The following DNAH8 variants were observed in gnomAD, a reference collection of about 807,000 sequenced individuals.
The protein encoded by DNAH8 is dynein axonemal heavy chain 8.
A neutral mutation model predicts 562.1 loss-of-function variants in DNAH8; 382 were observed. That is an observed-to-expected ratio of 0.68 (90% CI 0.63 to 0.74). The LOEUF is 0.74. DNAH8 is among the 30% of genes least tolerant of loss of function. The pLI, the probability that DNAH8 is intolerant of heterozygous loss-of-function variation, is 0.00. For synonymous variants in DNAH8, 1,881 were observed against 1,919.4 expected (o/e 0.98, Z 0.52); for missense variants, 5,203 against 5,620.4 (o/e 0.93, Z 2.37).
At chr6:38,923,943 A>G in intron 72 of DNAH8, 48 bp from the exon 73 acceptor site, 1 of 1,601,006 alleles carries the variant, frequency 6.2e-7, no homozygotes, top group South Asian at 1.1e-5. Flanking sequence ...AAACAACTTA[A>G]TGTCAGGTGA....
chr6:38,766,450 T>C (rs1468074890), intron 11 of DNAH8, among the ~76,000 whole-genome samples: 1 of 152,152 alleles, frequency 6.6e-6, no homozygotes, highest in Admixed American at 6.5e-5. Context: ...ATTCTGGAGA[T>C]GTAATGTACT....
At chr6:39,019,257 C>G (rs940988742) in intron 91 of DNAH8, among the ~76,000 whole-genome samples, 1 of 152,080 alleles carries the variant, frequency 6.6e-6, no homozygotes, top group Non-Finnish European at 1.5e-5. Flanking sequence ...ACCTCGCACA[C>G]TGTAACAAGA....
At chr6:38,877,978 A>T (rs1211179304) in intron 53 of DNAH8, among the ~76,000 whole-genome samples, 1 of 152,198 alleles carries the variant, frequency 6.6e-6, no homozygotes, top group African/African-American at 2.4e-5. Flanking sequence ...GGAAGATCAA[A>T]TAGAATTGGC....
intron 16 of DNAH8, 34 bp from the exon 17 acceptor site, chr6:38,782,970 C>G: frequency 6.3e-7 from 1 of 1,582,936 alleles, no homozygotes; most frequent in Non-Finnish European, 8.6e-7. Flanking sequence ...ATTCAGCAGT[C>G]TTTTAAAGTA....
In DNAH8 at chr6:38,990,174, T is replaced by A. The variant is rs1764683116; in HGVS notation, c.13214+2T>A. On this transcript the variant is annotated splice_donor_variant, in intron 88 of 92. Coordinates refer to ENST00000327475, the MANE Select transcript of DNAH8 (RefSeq NM_001206927.2). LOFTEE classifies it high-confidence loss of function. ...GCTTCACCCTAATGCTGATATCACG[T>A]AAGTCCCTGGCATTTTTTAATTTGA... The A allele has an allele frequency of 6.3e-7, 1 of 1,591,532 alleles. No individual in the cohort carries two copies. Among genetic ancestry groups the A allele is most frequent in the Admixed American group, 1.8e-5 (1 of 55,378 alleles).
chr6:38,885,487 A>C (rs1778850383), intron 56 of DNAH8, among the ~76,000 whole-genome samples: 1 of 152,108 alleles, frequency 6.6e-6, no homozygotes, highest in South Asian at 2.1e-4. Context: ...AAATGAAAAC[A>C]AGAGTTAGAT....
At chr6:38,795,785 T>C (rs558943149) in intron 21 of DNAH8, among the ~76,000 whole-genome samples, 1 of 152,204 alleles carries the variant, frequency 6.6e-6, no homozygotes, top group South Asian at 2.1e-4. Context: ...TGGATCACAC[T>C]CCTGACTGCA....
At chr6:38,768,956 C>A (rs566478643) in intron 11 of DNAH8, among the ~76,000 whole-genome samples, 2 of 152,248 alleles carry the variant, frequency 1.3e-5, no homozygotes, top group Admixed American at 1.3e-4. Context: ...TTGGCAGGAA[C>A]CATAACTCTT....
At position 38,815,434 on chromosome 6, in the gene DNAH8, G is replaced by A. The variant is rs375327131; in HGVS notation, c.3334-34G>A. ...AATTGAGGGATGGACTGTATGTGCC[G>A]GCAGTATTACACATTTGTTTCTTCT... On this transcript the variant is annotated intron_variant, in intron 25 of 92. Coordinates refer to ENST00000327475, the MANE Select transcript of DNAH8 (RefSeq NM_001206927.2). 12 of 1,547,190 alleles carry A rather than the reference G, an allele frequency of 7.8e-6. 1 individual carries two copies. Among genetic ancestry groups the A allele is most frequent in the Middle Eastern group, 1.8e-4 (1 of 5,676 alleles).
At chr6:38,772,799 G>T (rs1767695179) in intron 12 of DNAH8, among the ~76,000 whole-genome samples, 1 of 151,694 alleles carries the variant, frequency 6.6e-6, no homozygotes, top group African/African-American at 2.4e-5. Context: ...ATGCACAATA[G>T]ATTTTTTTAA....
intron 26 of DNAH8, among the ~76,000 whole-genome samples, chr6:38,819,293 T>C (rs1221636337): frequency 6.6e-6 from 1 of 152,160 alleles, no homozygotes; most frequent in Non-Finnish European, 1.5e-5. Context: ...TTCAGGATAA[T>C]GGTTGCCTCT....
At chr6:38,883,078 A>C in intron 54 of DNAH8, 26 bp downstream of exon 54, 2 of 1,552,022 alleles carry the variant, frequency 1.3e-6, no homozygotes, top group South Asian at 2.6e-5. Flanking sequence ...AGTTCCTTAA[A>C]TGATCACAAA....
intron 88 of DNAH8, among the ~76,000 whole-genome samples, chr6:39,005,131 G>A (rs1489207468): frequency 6.6e-6 from 1 of 152,122 alleles, no homozygotes; most frequent in African/African-American, 2.4e-5. Flanking sequence ...ACTGCATCAG[G>A]CCGGGAGCAG....
chr6:38,731,297 T>G (rs1298851472), intron 4 of DNAH8, among the ~76,000 whole-genome samples: 3 of 152,244 alleles, frequency 2.0e-5, no homozygotes, highest in Non-Finnish European at 2.9e-5. Flanking sequence ...AACTCCTTAA[T>G]GAATATTTCT....
At chr6:38,753,159 C>T (rs1765610500) in intron 9 of DNAH8, among the ~76,000 whole-genome samples, 1 of 151,900 alleles carries the variant, frequency 6.6e-6, no homozygotes, top group African/African-American at 2.4e-5. Flanking sequence ...AGTAGCTGGA[C>T]TTGTGTTGTG....
chr6:38,723,191 G>C lies in DNAH8; in HGVS notation c.382G>C (p.Glu128Gln), dbSNP rs763048415. The C allele has an allele frequency of 6.2e-7, 1 of 1,607,562 alleles. No homozygotes were observed. Among genetic ancestry groups the C allele is most frequent in the Non-Finnish European group, 8.5e-7 (1 of 1,177,906 alleles). Residue 128 changes from glutamate to glutamine, a missense_variant, in exon 2 of 93, where the codon GAG becomes CAG. Physicochemically the swap from Glu to Gln is conservative, Grantham distance 29. Around this residue, in one of 6 missense-constraint regions of DNAH8, gnomAD observed 556 missense variants for 496.9 expected, o/e 1.12. Transcript: ENST00000327475. ...TCCCAATCTACAGGAAACATTAAAA[G>C]AGAGACAGGTTTGCTTCTAATACGA... ...GLPNLQETLK[E>Q]RQARFREARE...
chr6:38,928,081 A>T (rs182609203), intron 74 of DNAH8: 1 of 152,242 alleles, frequency 6.6e-6, no homozygotes, highest in African/African-American at 2.4e-5. Flanking sequence ...CAGGACCTAC[A>T]GCTCTGACTT....
intron 3 of DNAH8, among the ~76,000 whole-genome samples, chr6:38,726,851 G>GTTTT (rs58557655): frequency 3.2e-5 from 2 of 63,274 alleles, no homozygotes; most frequent in African/African-American, 6.7e-5. Context: ...GTATTCTTTA[G>GTTTT]TTTTTTTTTT....
Position 38,723,094 on chromosome 6 carries a change from A to G in DNAH8, c.285A>G (p.Ser95=), listed in dbSNP as rs780218121. 1.5e-5 allele frequency: 24 copies of G among 1,612,800 alleles called. No individual in the cohort carries two copies. Among genetic ancestry groups the G allele is most frequent in the Non-Finnish European group, 1.9e-5 (23 of 1,179,904 alleles). ...RQRLAPRPVQ[S]VISEVLSLPS... ...GGCTTGCACCGCGACCGGTTCAGTC[A>G]GTGATTTCGGAAGTGCTGTCCTTGC... Residue 95 remains serine (S), a synonymous_variant, in exon 2 of 93, where the codon TCA becomes TCG. Coordinates refer to ENST00000327475, the MANE Select transcript of DNAH8 (RefSeq NM_001206927.2).
Sources: allele counts gnomAD v4.1 joint callset (sites outside exome capture counted in the v4.1 genomes callset), GRCh38; gene constraint gnomAD v4.1.1; regional missense constraint gnomAD v4.1.1; transcripts MANE v1.5; gene names NCBI Gene and HGNC (gene_info 2026-07-23, HGNC 2026-07-21).